SERINC5: variants seen among roughly 807,000 people sequenced by gnomAD.
SERINC5 encodes chromosome 5 open reading frame 12.
A neutral mutation model predicts 63.1 loss-of-function variants in SERINC5; 41 were observed. The ratio of observed to expected loss-of-function variants is 0.65; its 90% CI spans 0.51 to 0.84. The LOEUF (loss-of-function observed/expected upper bound fraction) is 0.84, where lower values mean the gene tolerates loss of function less well. SERINC5 is among the 40% of genes least tolerant of loss of function. The pLI is 0.00. For synonymous variants in SERINC5, 222 were observed against 215.2 expected (o/e 1.03, Z -0.28); for missense variants, 523 against 573.0 (o/e 0.91, Z 0.89).
At position 80,156,535 on chromosome 5, in the gene SERINC5, C is replaced by T. The variant is rs556140475; in HGVS notation, c.986+2301G>A. 5.9e-5 allele frequency among the ~76,000 whole-genome samples: 9 copies of T among 152,288 alleles called. No individual in the cohort carries two copies. In the South Asian group the frequency reaches 1.5e-3, roughly 25 times the overall value. On this transcript the variant is annotated intron_variant, in intron 8 of 11. Transcript: ENST00000507668. Reference sequence around the variant, plus strand: ...CTCTTGCCTACAGATTACAGAAGTACGCTACAGAGCAGAGTGGTCATCCTC... The same window carrying T: ...CTCTTGCCTACAGATTACAGAAGTATGCTACAGAGCAGAGTGGTCATCCTC...
At chr5:80,163,162 T>C (rs557655905) in intron 7 of SERINC5, among the ~76,000 whole-genome samples, 4 of 149,930 alleles carry the variant, frequency 2.7e-5, no homozygotes, top group Non-Finnish European at 5.9e-5. Flanking sequence ...GCCAAAACAC[T>C]ACTAATTTTT....
chr5:80,165,521 G>A (rs910977149), intron 7 of SERINC5, among the ~76,000 whole-genome samples: 1 of 152,188 alleles, frequency 6.6e-6, no homozygotes. Context: ...GAGAGGATAA[G>A]TAAGTTTCTG....
chr5:80,132,083 G>A (rs910092381), intron 11 of SERINC5, among the ~76,000 whole-genome samples: 13 of 152,204 alleles, frequency 8.5e-5, no homozygotes, highest in Middle Eastern at 6.8e-3. Context: ...TTGAAGCCGC[G>A]GACACCAGAT....
chr5:80,136,405 A>G (rs1268671701), downstream of SERINC5, among the ~76,000 whole-genome samples: 2 of 152,238 alleles, frequency 1.3e-5, no homozygotes, highest in Non-Finnish European at 2.9e-5. Flanking sequence ...GGGGTTTCAT[A>G]TTTATATTCT....
intron 8 of SERINC5, among the ~76,000 whole-genome samples, chr5:80,152,389 T>C (rs1746246914): frequency 6.6e-6 from 1 of 151,086 alleles, no homozygotes; most frequent in South Asian, 2.1e-4. Context: ...CAGTCCCAGC[T>C]ACTGGGGAGG....
intron 6 of SERINC5, 190 bp from the exon 7 acceptor site, chr5:80,166,668 C>A: frequency 2.1e-6 from 1 of 470,956 alleles, no homozygotes; most frequent in East Asian, 4.0e-5. Flanking sequence ...GAGAGTTACA[C>A]GCTGAACTGA....
chr5:80,255,242 T>G (rs1752600126), intron 1 of SERINC5: 1 of 152,400 alleles, frequency 6.6e-6, no homozygotes, highest in Admixed American at 6.5e-5. Context: ...CGAACAAGTT[T>G]ATTTGCAAAG....
At chr5:80,173,411 C>T (rs368169088) in intron 5 of SERINC5, among the ~76,000 whole-genome samples, 5 of 151,934 alleles carry the variant, frequency 3.3e-5, no homozygotes, top group East Asian at 1.9e-4. Flanking sequence ...CTGGCTAACA[C>T]GGTGAAACCC....
In SERINC5 at chr5:80,132,629, T is replaced by TACCAAAA. The variant is rs1454721835; in HGVS notation, c.1238+13460_1238+13461insTTTTGGT. Among the ~76,000 whole-genome samples, 9 of 151,692 alleles carry TACCAAAA rather than the reference T, an allele frequency of 5.9e-5. No homozygotes were observed. The East Asian group carries it at 1.7e-3, about 29-fold the overall frequency. On this transcript the variant is annotated intron_variant, in intron 11 of 12. Coordinates refer to the SERINC5 transcript ENST00000509193. ...TTTTTTTATTTCCACCATGCCTGGC[T>TACCAAAA]AATTTTTAAATTTTTTGTAGAGTCA... is the stretch of plus-strand genomic sequence containing the variant.
chr5:80,228,137 T>C (rs1324685240), intron 1 of SERINC5, among the ~76,000 whole-genome samples: 1 of 139,500 alleles, frequency 7.2e-6, no homozygotes, highest in East Asian at 2.2e-4. Context: ...GAGACTGAGA[T>C]GGGAGGATCA....
intron 1 of SERINC5, among the ~76,000 whole-genome samples, chr5:80,208,127 C>T (rs1750258958): frequency 6.6e-6 from 1 of 152,084 alleles, no homozygotes; most frequent in Non-Finnish European, 1.5e-5. Flanking sequence ...AAAGCTTTTA[C>T]TGAAAAAGTT....
At chr5:80,156,993 CTTTTTTTTTT>C (rs376131718) in intron 8 of SERINC5, 12 of 124,682 alleles carry the variant, frequency 9.6e-5, no homozygotes, top group African/African-American at 2.7e-4. Context: ...TTTTTTTTTT[CTTTTTTTTTT>C]TTTTTTTTGA....
intron 11 of SERINC5, among the ~76,000 whole-genome samples, chr5:80,132,913 G>A (rs1745004741): frequency 6.6e-6 from 1 of 152,232 alleles, no homozygotes; most frequent in South Asian, 2.1e-4. Context: ...CTGAAGAGCA[G>A]TGAGAAGGCT....
intron 1 of SERINC5, among the ~76,000 whole-genome samples, chr5:80,235,664 T>C (rs1751654756): frequency 6.6e-6 from 1 of 152,180 alleles, no homozygotes; most frequent in Non-Finnish European, 1.5e-5. Context: ...TGGCATGATC[T>C]TGGCTCACTG....
rs1433806113 is a variant in SERINC5, at chr5:80,175,078, C to A, written c.458-31G>T. 2.7e-6 allele frequency: 4 copies of A among 1,468,166 alleles called. No homozygotes were observed. The South Asian group carries it at 5.0e-5, about 18-fold the overall frequency. The allele number at this position is 1,468,166 out of a possible 1,614,324, so 90.9% of individuals were successfully genotyped here. Reference sequence around the variant, plus strand: ...AAAGACCATGAAGAACACAATGAGGCAACCTTTCGTTGTATTTTGCTCAAA... The same window carrying A: ...AAAGACCATGAAGAACACAATGAGGAAACCTTTCGTTGTATTTTGCTCAAA... On this transcript the variant is annotated intron_variant, in intron 4 of 11. Transcript: ENST00000507668.
At chr5:80,190,881 G>A (rs1363350764) in intron 2 of SERINC5, among the ~76,000 whole-genome samples, 1 of 152,146 alleles carries the variant, frequency 6.6e-6, no homozygotes, top group South Asian at 2.1e-4. Flanking sequence ...ACCTGGAATT[G>A]AATGATGGTG....
In SERINC5 at chr5:80,131,608, G is replaced by A. The variant is rs149528278; in HGVS notation, c.1238+14482C>T. 3.7e-3 allele frequency among the ~76,000 whole-genome samples: 562 copies of A among 152,250 alleles called. 5 individuals carry two copies. The highest frequency in any genetic ancestry group is 0.013 in the African/African-American group (532 of 41,556). On this transcript the variant is annotated intron_variant, in intron 11 of 12. Coordinates refer to the SERINC5 transcript ENST00000509193. ...AATGCTGGAACAGAGTGGGCAAAGA[G>A]GGTAGTTGAGGCAGGGATAGGGAAT...
intron 2 of SERINC5, among the ~76,000 whole-genome samples, chr5:80,186,037 A>T (rs2112443785): frequency 6.7e-6 from 1 of 148,530 alleles, no homozygotes; most frequent in Middle Eastern, 3.4e-3. Flanking sequence ...ACATGGTGGG[A>T]AACTGAACAT....
intron 2 of SERINC5, among the ~76,000 whole-genome samples, chr5:80,186,819 G>A (rs865783145): frequency 6.6e-5 from 10 of 152,238 alleles, no homozygotes; most frequent in Middle Eastern, 3.4e-3. Flanking sequence ...AGAGGAAGTA[G>A]GTGAAAGTTG....
Sources: allele counts gnomAD v4.1 joint callset (sites outside exome capture counted in the v4.1 genomes callset), GRCh38; gene constraint gnomAD v4.1.1; transcripts MANE v1.5; gene names NCBI Gene and HGNC (gene_info 2026-07-23, HGNC 2026-07-21).